Variants in ELOVL6 observed in about 807,000 individuals in gnomAD.
The protein encoded by ELOVL6 is very long chain fatty acid elongase 6.
A neutral mutation model predicts 31.7 loss-of-function variants in ELOVL6; 8 were observed. The observed-to-expected ratio is 0.25, with a 90% CI of 0.15 to 0.45. ELOVL6 has a LOEUF of 0.45. ELOVL6 is among the 20% of genes least tolerant of loss of function. ELOVL6 has a pLI of 1.00. For synonymous variants in ELOVL6, 101 were observed against 117.7 expected, an observed-to-expected ratio of 0.86 and a Z score of 0.92; for missense variants, 126 against 326.4, an observed-to-expected ratio of 0.39 and a Z score of 4.73.
rs1169518603 is a variant in ELOVL6, at chr4:110,076,526, A to G, written c.222-16772T>C. On this transcript the variant is annotated intron_variant, in intron 2 of 3. Transcript: ENST00000302274. ...ATGGTCCTAGGACACTTGCTTTTCCATATGAAAAAAATATGTAAATAAAAA... is the reference window on the plus strand; with the variant it reads ...ATGGTCCTAGGACACTTGCTTTTCCGTATGAAAAAAATATGTAAATAAAAA... 5.9e-5 allele frequency among the ~76,000 whole-genome samples: 9 copies of G among 152,332 alleles called. No homozygotes were observed. In the East Asian group the frequency reaches 9.6e-4, roughly 16 times the overall value.
At chr4:110,134,836 G>T (rs1396070788) in intron 1 of ELOVL6, among the ~76,000 whole-genome samples, 2 of 152,064 alleles carry the variant, frequency 1.3e-5, no homozygotes, top group African/African-American at 4.8e-5. Context: ...ATGCAGGCTT[G>T]TAGTCTCAGC....
intron 2 of ELOVL6, among the ~76,000 whole-genome samples, chr4:110,104,355 C>G (rs1756828808): frequency 6.6e-6 from 1 of 152,136 alleles, no homozygotes; most frequent in African/African-American, 2.4e-5. Context: ...AGATCCAAAT[C>G]ATGAGTACTT....
chr4:110,064,330 C>T (rs1376076756), intron 2 of ELOVL6, among the ~76,000 whole-genome samples: 3 of 150,292 alleles, frequency 2.0e-5, no homozygotes, highest in South Asian at 2.1e-4. Context: ...AGCCTGTTTC[C>T]TGATCACTAG....
chr4:110,180,168 G>A (rs372904817), intron 1 of ELOVL6, among the ~76,000 whole-genome samples: 15 of 152,106 alleles, frequency 9.9e-5, no homozygotes, highest in Middle Eastern at 3.4e-3. Context: ...TGTGCTTATT[G>A]TATCCATATA....
Position 110,131,337 on chromosome 4 carries a change from T to C in ELOVL6, c.90-25709A>G, listed in dbSNP as rs149254642. ...ATTATCTGTTTATATTGATCAAAAT[T>C]GGCCATAGAATCTCCAAATCCTCAA... On this transcript the variant is annotated intron_variant, in intron 1 of 3. Transcript: ENST00000302274. Among the ~76,000 whole-genome samples the C allele has an allele frequency of 5.3e-4, 81 of 152,290 alleles. 1 individual carries two copies. Among genetic ancestry groups the C allele is most frequent in the African/African-American group, 1.9e-3 (79 of 41,552 alleles).
chr4:110,063,370 C>G, intron 2 of ELOVL6, among the ~76,000 whole-genome samples: 1 of 151,462 alleles, frequency 6.6e-6, no homozygotes, highest in African/African-American at 2.5e-5. Context: ...TGGGGTTGCT[C>G]TTTTGGAGCA....
chr4:110,090,832 T>G (rs112530184), intron 2 of ELOVL6, among the ~76,000 whole-genome samples: 38 of 152,154 alleles, frequency 2.5e-4, no homozygotes, highest in African/African-American at 8.2e-4. Flanking sequence ...CTCAATCTCC[T>G]GACTTTGCGA....
chr4:110,079,130 C>T (rs1755751722), intron 2 of ELOVL6, among the ~76,000 whole-genome samples: 1 of 152,176 alleles, frequency 6.6e-6, no homozygotes, highest in South Asian at 2.1e-4. Context: ...GACTCCCACA[C>T]AATAATAATG....
chr4:110,103,849 T>G (rs1295064362), intron 2 of ELOVL6, among the ~76,000 whole-genome samples: 1 of 152,194 alleles, frequency 6.6e-6, no homozygotes, highest in Non-Finnish European at 1.5e-5. Flanking sequence ...ATGAGACAAC[T>G]GAAGAAATTT....
intron 3 of ELOVL6, among the ~76,000 whole-genome samples, chr4:110,057,577 A>G (rs1755021835): frequency 6.6e-6 from 1 of 152,134 alleles, no homozygotes; most frequent in African/African-American, 2.4e-5. Flanking sequence ...ACAGCCGGGC[A>G]CAGTGGCTCA....
chr4:110,130,541 C>T (rs1306688515), intron 1 of ELOVL6, among the ~76,000 whole-genome samples: 1 of 152,116 alleles, frequency 6.6e-6, no homozygotes, highest in Non-Finnish European at 1.5e-5. Context: ...ACCAAGGATG[C>T]TAAAGCAAAA....
At chr4:110,109,257 C>A (rs934443168) in intron 1 of ELOVL6, among the ~76,000 whole-genome samples, 2 of 152,090 alleles carry the variant, frequency 1.3e-5, no homozygotes, top group African/African-American at 4.8e-5. Flanking sequence ...ATGGACTCTT[C>A]TTGTTTAATA....
intron 1 of ELOVL6, among the ~76,000 whole-genome samples, chr4:110,142,325 A>G (rs1757989068): frequency 6.6e-6 from 1 of 152,082 alleles, no homozygotes; most frequent in Non-Finnish European, 1.5e-5. Context: ...GATTACAGGC[A>G]TAAGCCACCG....
In ELOVL6 at chr4:110,070,426, C is replaced by T. The variant is rs556519730; in HGVS notation, c.222-10672G>A. ...TTAGTCATCTTGTTTCTACAGAAAA[C>T]TTTGTTCCTTTGAGAAAACTATTAA... is the stretch of plus-strand genomic sequence containing the variant. On this transcript the variant is annotated intron_variant, in intron 2 of 3. Coordinates refer to ENST00000302274, the MANE Select transcript of ELOVL6 (RefSeq NM_024090.3). 6.6e-5 allele frequency among the ~76,000 whole-genome samples: 10 copies of T among 152,314 alleles called. No individual in the cohort carries two copies. The East Asian group carries it at 1.9e-3, about 29-fold the overall frequency.
intron 1 of ELOVL6, among the ~76,000 whole-genome samples, chr4:110,183,451 C>T (rs1290270461): frequency 1.3e-5 from 2 of 152,168 alleles, no homozygotes; most frequent in Admixed American, 6.5e-5. Context: ...TATAAACCAG[C>T]CACCTTGTGC....
intron 1 of ELOVL6, among the ~76,000 whole-genome samples, chr4:110,123,983 T>C (rs541966994): frequency 5.0e-4 from 76 of 152,330 alleles, no homozygotes; most frequent in Non-Finnish European, 9.8e-4. Context: ...AAAAGGTAAC[T>C]ATAAATCTTA....
At chr4:110,148,543 AGAAG>A (rs561501496) in intron 1 of ELOVL6, among the ~76,000 whole-genome samples, 265 of 152,296 alleles carry the variant, frequency 1.7e-3, no homozygotes, top group African/African-American at 6.0e-3. Flanking sequence ...GTAAAAAAAT[AGAAG>A]GAATGAATAA....
intron 1 of ELOVL6, among the ~76,000 whole-genome samples, chr4:110,187,448 A>C (rs1182406696): frequency 7.3e-5 from 11 of 151,460 alleles, no homozygotes; most frequent in Non-Finnish European, 1.2e-4. Flanking sequence ...GCAAAATGAA[A>C]AAAAAAAAAA....
At chr4:110,182,260 T>C (rs535152625) in intron 1 of ELOVL6, among the ~76,000 whole-genome samples, 21 of 152,282 alleles carry the variant, frequency 1.4e-4, no homozygotes, top group African/African-American at 5.1e-4. Flanking sequence ...AATCAAATTA[T>C]GTAATTTATT....
Sources: allele counts gnomAD v4.1 joint callset (sites outside exome capture counted in the v4.1 genomes callset), GRCh38; gene constraint gnomAD v4.1.1; transcripts MANE v1.5; gene names NCBI Gene and HGNC (gene_info 2026-07-23, HGNC 2026-07-21).